DGKB: variants seen among roughly 807,000 people sequenced by gnomAD.
The protein encoded by DGKB is 90 kDa diacylglycerol kinase.
DGKB carries 67 observed loss-of-function variants against 114.3 expected under a neutral mutation model. That is an observed-to-expected ratio of 0.59 (90% confidence interval 0.48 to 0.72). The LOEUF (loss-of-function observed/expected upper bound fraction) is 0.72, where lower values mean the gene tolerates loss of function less well. DGKB is among the 30% of genes least tolerant of loss of function. The pLI, the probability that DGKB is intolerant of heterozygous loss-of-function variation, is 0.00. For missense variants in DGKB, 907 were observed against 975.2 expected, an observed-to-expected ratio of 0.93 and a Z score of 0.93; for synonymous variants, 398 against 323.1, an observed-to-expected ratio of 1.23 and a Z score of -2.49.
rs978279739 is a variant in DGKB, at chr7:14,841,465, A to G, written c.-187-15T>C. 2.8e-6 allele frequency: 1 copy of G among 360,406 alleles called. No homozygotes were observed. Among genetic ancestry groups the G allele is most frequent in the African/African-American group, 2.1e-5 (1 of 46,610 alleles). 22.3% of individuals were successfully genotyped at this position (360,406 alleles called of 1,614,324 possible). ...GTGTTAAAGAACTGCAAAAAAAAAA[A>G]ACAGATCAAGATCAAAAGATTAACA... On this transcript the variant is annotated splice_polypyrimidine_tract_variant and intron_variant, in intron 1 of 25. Coordinates refer to ENST00000402815, the MANE Select transcript of DGKB (RefSeq NM_001350709.2).
At chr7:14,667,852 T>C (rs1052667595) in intron 13 of DGKB, among the ~76,000 whole-genome samples, 1 of 152,234 alleles carries the variant, frequency 6.6e-6, no homozygotes, top group Admixed American at 6.6e-5. Flanking sequence ...AATTCGGACT[T>C]AGCTAGGTGG....
intron 6 of DGKB, among the ~76,000 whole-genome samples, chr7:14,712,268 T>G (rs982985046): frequency 2.6e-5 from 4 of 152,194 alleles, no homozygotes; most frequent in Non-Finnish European, 5.9e-5. Context: ...GAGTTCTGTC[T>G]TGGATGTTCA....
intron 23 of DGKB, among the ~76,000 whole-genome samples, chr7:14,257,887 C>T (rs951052495): frequency 5.9e-5 from 9 of 152,012 alleles, no homozygotes; most frequent in African/African-American, 1.9e-4. Flanking sequence ...CCACCATGCT[C>T]GGCTAATTTT....
chr7:14,839,032 T>A (rs772240293), intron 2 of DGKB, among the ~76,000 whole-genome samples: 1 of 152,142 alleles, frequency 6.6e-6, no homozygotes, highest in Non-Finnish European at 1.5e-5. Context: ...TCCGTTCCTA[T>A]CTCCAATGGA....
intron 23 of DGKB, among the ~76,000 whole-genome samples, chr7:14,182,952 C>T (rs1562555731): frequency 6.6e-6 from 1 of 152,134 alleles, no homozygotes; most frequent in African/African-American, 2.4e-5. Context: ...CCCCTTTGTG[C>T]AGAGTGTCCA....
At chr7:14,964,486 C>T (rs1412484191) in intron 1 of DGKB, among the ~76,000 whole-genome samples, 2 of 152,076 alleles carry the variant, frequency 1.3e-5, no homozygotes, top group African/African-American at 2.4e-5. Flanking sequence ...GGTGACAGAG[C>T]TAGACGTTGT....
At chr7:14,945,399 T>C (rs1245397825) in intron 1 of DGKB, among the ~76,000 whole-genome samples, 1 of 151,860 alleles carries the variant, frequency 6.6e-6, no homozygotes, top group Non-Finnish European at 1.5e-5. Context: ...TCTGGTTACA[T>C]GGGTGTGTTT....
At chr7:14,255,715 C>G (rs1795868522) in intron 23 of DGKB, among the ~76,000 whole-genome samples, 1 of 151,362 alleles carries the variant, frequency 6.6e-6, no homozygotes, top group African/African-American at 2.4e-5. Flanking sequence ...AGCCCTTCAT[C>G]TTTATTACAC....
chr7:14,552,667 G>A lies in DGKB; in HGVS notation c.1770+21545C>T, dbSNP rs117055267. ...AAAAGACTTAAAATAATTGTTTTCCGGGGCAGCTACCATGAATTTGACTAC... is the reference window on the plus strand; with the variant it reads ...AAAAGACTTAAAATAATTGTTTTCCAGGGCAGCTACCATGAATTTGACTAC... On this transcript the variant is annotated intron_variant, in intron 20 of 25. Transcript: ENST00000402815. Among the ~76,000 whole-genome samples, 1,141 of 152,232 alleles carry A rather than the reference G, an allele frequency of 7.5e-3. 11 individuals are homozygous for A. Among genetic ancestry groups the A allele is most frequent in the African/African-American group, 0.024 (1,008 of 41,530 alleles).
chr7:14,620,224 T>C (rs1372205825), intron 15 of DGKB, among the ~76,000 whole-genome samples: 1 of 151,320 alleles, frequency 6.6e-6, no homozygotes, highest in East Asian at 1.9e-4. Context: ...TAATATATAA[T>C]AATTTTATTA....
At chr7:14,855,408 T>C (rs1352651849) in intron 1 of DGKB, among the ~76,000 whole-genome samples, 1 of 152,178 alleles carries the variant, frequency 6.6e-6, no homozygotes, top group Non-Finnish European at 1.5e-5. Flanking sequence ...ACATATAACA[T>C]AGTAGGACAT....
intron 2 of DGKB, among the ~76,000 whole-genome samples, chr7:14,783,229 G>A (rs1352547890): frequency 1.3e-5 from 2 of 152,080 alleles, no homozygotes; most frequent in African/African-American, 2.4e-5. Flanking sequence ...ATCAAATTAC[G>A]TGAATTTTAG....
At chr7:14,946,480 A>G (rs1350479534) in intron 1 of DGKB, among the ~76,000 whole-genome samples, 2 of 151,754 alleles carry the variant, frequency 1.3e-5, no homozygotes, top group African/African-American at 4.8e-5. Context: ...ACATATATAC[A>G]CACAGCATAT....
chr7:14,967,715 C>T (rs965386323), intron 1 of DGKB, among the ~76,000 whole-genome samples: 2 of 147,084 alleles, frequency 1.4e-5, no homozygotes. Context: ...TTTTTTTGGC[C>T]TAATTTTATA....
intron 20 of DGKB, among the ~76,000 whole-genome samples, chr7:14,508,302 T>C (rs1366168961): frequency 6.6e-6 from 1 of 152,168 alleles, no homozygotes; most frequent in Non-Finnish European, 1.5e-5. Context: ...ATTTATTGTG[T>C]TTTATAAACT....
intron 21 of DGKB, among the ~76,000 whole-genome samples, chr7:14,469,693 C>G (rs567133518): frequency 6.6e-6 from 1 of 152,012 alleles, no homozygotes; most frequent in Admixed American, 6.6e-5. Context: ...ATTCTCATTT[C>G]TACCTGCTCA....
At chr7:14,856,812 A>G (rs1850217130) in intron 1 of DGKB, among the ~76,000 whole-genome samples, 1 of 152,148 alleles carries the variant, frequency 6.6e-6, no homozygotes, top group Non-Finnish European at 1.5e-5. Context: ...ACTGGGTTTT[A>G]GGGTATGCTT....
At chr7:14,154,005 T>C (rs1490326673) in intron 25 of DGKB, among the ~76,000 whole-genome samples, 1 of 151,870 alleles carries the variant, frequency 6.6e-6, no homozygotes, top group Admixed American at 6.6e-5. Context: ...GGGTGTTTTC[T>C]AGCAAAGTAA....
intron 5 of DGKB, among the ~76,000 whole-genome samples, chr7:14,723,917 T>C (rs1829639446): frequency 6.6e-6 from 1 of 152,174 alleles, no homozygotes; most frequent in Non-Finnish European, 1.5e-5. Flanking sequence ...AAAAGTTGTA[T>C]TTAATAGATA....
Sources: gnomAD v4.1 joint callset for allele counts (sites outside exome capture counted in the v4.1 genomes callset) on GRCh38, gnomAD v4.1.1 for gene constraint, MANE v1.5 for transcripts, NCBI Gene and HGNC (gene_info 2026-07-23, HGNC 2026-07-21) for gene names.